NRG1: variants seen among roughly 807,000 people sequenced by gnomAD.
NRG1 encodes the protein pro-neuregulin-1, membrane-bound isoform.
A neutral mutation model predicts 63.8 loss-of-function variants in NRG1; 18 were observed. The observed-to-expected ratio is 0.28, with a 90% CI of 0.19 to 0.42. The LOEUF is 0.42. NRG1 is among the 10% of genes least tolerant of loss of function. The pLI is 1.00. For synonymous variants in NRG1, 302 were observed against 301.3 expected, an observed-to-expected ratio of 1.00 and a Z score of -0.02; for missense variants, 762 against 814.7, an observed-to-expected ratio of 0.94 and a Z score of 0.79.
At chr8:32,002,768 C>T (rs1477391325) in intron 1 of NRG1, among the ~76,000 whole-genome samples, 4 of 152,080 alleles carry the variant, frequency 2.6e-5, no homozygotes, top group African/African-American at 9.7e-5. Context: ...TAACTTGTGC[C>T]TGCGCACCTA....
intron 11 of NRG1, among the ~76,000 whole-genome samples, chr8:32,762,057 A>AC (rs1360356617): frequency 6.8e-6 from 1 of 147,062 alleles, no homozygotes; most frequent in Non-Finnish European, 1.5e-5. Context: ...AAAAAAAAAA[A>AC]AAACATTCTG....
intron 1 of NRG1, among the ~76,000 whole-genome samples, chr8:31,721,437 G>A (rs960710844): frequency 6.6e-6 from 1 of 152,118 alleles, no homozygotes; most frequent in Admixed American, 6.6e-5. Flanking sequence ...CATTTAGGTA[G>A]TCAAACCTTG....
intron 5 of NRG1, among the ~76,000 whole-genome samples, chr8:32,676,313 C>T (rs1807099791): frequency 6.6e-6 from 1 of 152,158 alleles, no homozygotes; most frequent in African/African-American, 2.4e-5. Flanking sequence ...AACAGGTGGC[C>T]ATGACCCCAG....
At chr8:31,731,417 T>TACACACACAC (rs139927733) in intron 1 of NRG1, among the ~76,000 whole-genome samples, 83 of 148,408 alleles carry the variant, frequency 5.6e-4, no homozygotes, top group East Asian at 3.0e-3. Flanking sequence ...AATTATGTCA[T>TACACACACAC]ACACACACAC....
intron 1 of NRG1, among the ~76,000 whole-genome samples, chr8:32,106,023 T>C (rs924438245): frequency 7.2e-5 from 11 of 152,184 alleles, no homozygotes; most frequent in African/African-American, 2.7e-4. Context: ...ATAGGCTGAC[T>C]TGACTACTCT....
intron 1 of NRG1, among the ~76,000 whole-genome samples, chr8:31,777,434 C>G (rs1819254927): frequency 6.6e-6 from 1 of 152,214 alleles, no homozygotes; most frequent in Non-Finnish European, 1.5e-5. Flanking sequence ...CAGAGTTGGG[C>G]ATGCGTGGGG....
Position 31,994,603 on chromosome 8 carries a change from A to C in NRG1, c.37+355172A>C, listed in dbSNP as rs141297912. On this transcript the variant is annotated intron_variant, in intron 1 of 10. Coordinates refer to the NRG1 transcript ENST00000519301. Reference sequence around the variant, plus strand: ...AAAGAGGTCAAGGCTGTAGTGAACTATGATTGTGCCATTGTACTCCAGCCT... The same window carrying C: ...AAAGAGGTCAAGGCTGTAGTGAACTCTGATTGTGCCATTGTACTCCAGCCT... Among the ~76,000 whole-genome samples the C allele has an allele frequency of 2.3e-3, 283 of 121,764 alleles. 1 individual carries two copies. Among genetic ancestry groups the C allele is most frequent in the Middle Eastern group, 0.014 (2 of 138 alleles). The allele number at this position is 121,764 out of a possible 152,430, so 79.9% of individuals were successfully genotyped here. A position where few individuals can be genotyped will look rare whatever the true frequency, so the allele number is the denominator to read the frequency against.
At chr8:32,712,980 C>G (rs1407133799) in intron 5 of NRG1, among the ~76,000 whole-genome samples, 1 of 152,134 alleles carries the variant, frequency 6.6e-6, no homozygotes, top group East Asian at 1.9e-4. Flanking sequence ...TGAAAATGGT[C>G]AGCTTTGTTA....
chr8:32,327,032 T>C (rs965876174), intron 1 of NRG1, among the ~76,000 whole-genome samples: 2 of 152,110 alleles, frequency 1.3e-5, no homozygotes, highest in African/African-American at 4.8e-5. Flanking sequence ...TGGAATAAAA[T>C]AATGAATCGG....
chr8:32,448,669 T>C (rs989921130), intron 1 of NRG1, among the ~76,000 whole-genome samples: 1 of 146,324 alleles, frequency 6.8e-6, no homozygotes, highest in African/African-American at 2.5e-5. Context: ...GTCAATTAGC[T>C]ATTTTTTTTT....
chr8:32,086,807 A>G (rs1828288579), intron 1 of NRG1, among the ~76,000 whole-genome samples: 1 of 152,194 alleles, frequency 6.6e-6, no homozygotes, highest in Non-Finnish European at 1.5e-5. Flanking sequence ...CCTATGAGGA[A>G]GAATAAGCTC....
chr8:32,247,269 G>C lies in NRG1; in HGVS notation c.38-348559G>C, dbSNP rs143093284. Among the ~76,000 whole-genome samples the C allele has an allele frequency of 9.2e-5, 14 of 151,974 alleles. 1 individual carries two copies. The highest frequency in any genetic ancestry group is 2.0e-4 in the Admixed American group (3 of 15,222). On this transcript the variant is annotated intron_variant, in intron 1 of 10. Transcript: ENST00000519301. ...GACATCGGGACTCAAAGAAAAACAC[G>C]TTATGGACATAAAAGCCTTTGATGA...
intron 1 of NRG1, among the ~76,000 whole-genome samples, chr8:31,976,974 G>C (rs1211700089): frequency 6.6e-6 from 1 of 152,160 alleles, no homozygotes; most frequent in Non-Finnish European, 1.5e-5. Flanking sequence ...TTTGTGGTTT[G>C]ATGCTAAAAC....
chr8:32,100,832 T>C (rs1830478740), intron 1 of NRG1, among the ~76,000 whole-genome samples: 1 of 152,212 alleles, frequency 6.6e-6, no homozygotes, highest in Admixed American at 6.5e-5. Flanking sequence ...TGATATCTGA[T>C]GACGCTGCAT....
At chr8:32,424,413 AT>A (rs1211900194) in intron 1 of NRG1, among the ~76,000 whole-genome samples, 1 of 152,174 alleles carries the variant, frequency 6.6e-6, no homozygotes, top group East Asian at 1.9e-4. Flanking sequence ...TTGGGGTTCA[AT>A]GAGATCAAAA....
At chr8:31,761,448 A>G (rs1444169794) in intron 1 of NRG1, among the ~76,000 whole-genome samples, 2 of 152,104 alleles carry the variant, frequency 1.3e-5, no homozygotes, top group East Asian at 1.9e-4. Flanking sequence ...AACTTAAAGT[A>G]TAATAATAAA....
chr8:31,828,018 A>G (rs777886295), intron 1 of NRG1, among the ~76,000 whole-genome samples: 3 of 152,218 alleles, frequency 2.0e-5, no homozygotes, highest in Admixed American at 6.5e-5. Flanking sequence ...AGAATATACA[A>G]TAGTTCAGGC....
intron 1 of NRG1, among the ~76,000 whole-genome samples, chr8:32,477,044 A>G (rs932208957): frequency 1.3e-5 from 2 of 152,196 alleles, no homozygotes; most frequent in Non-Finnish European, 2.9e-5. Flanking sequence ...GATGAGACAG[A>G]GAGTTCATAA....
At chr8:31,959,977 G>A (rs71523448) in intron 1 of NRG1, among the ~76,000 whole-genome samples, 3 of 151,894 alleles carry the variant, frequency 2.0e-5, no homozygotes, top group Non-Finnish European at 2.9e-5. Flanking sequence ...TACCATTTTC[G>A]AGTATGCAGT....
Sources: allele counts gnomAD v4.1 joint callset (sites outside exome capture counted in the v4.1 genomes callset), GRCh38; gene constraint gnomAD v4.1.1; transcripts MANE v1.5; gene names NCBI Gene and HGNC (gene_info 2026-07-23, HGNC 2026-07-21).